TUBGCP3: variants seen among roughly 807,000 people sequenced by gnomAD.
The protein encoded by TUBGCP3 is gamma-tubulin complex component 3.
In TUBGCP3, 50 loss-of-function variants were observed where a neutral mutation model predicts 123.1. The observed-to-expected ratio is 0.41, with a 90% CI of 0.32 to 0.51. The LOEUF (loss-of-function observed/expected upper bound fraction) is 0.51, where lower values mean the gene tolerates loss of function less well. Ranked by LOEUF, TUBGCP3 falls within the 20% of genes least tolerant of loss-of-function variation. TUBGCP3 has a pLI of 0.36. For synonymous variants in TUBGCP3, 405 were observed against 413.9 expected (o/e 0.98, Z 0.26); for missense variants, 882 against 1,127.0 (o/e 0.78, Z 3.11).
rs1178176774 is a variant in TUBGCP3 at position 112,587,936 on chromosome 13, G to A, written c.45C>T (p.Asn15=). Residue 15 remains asparagine (N), a synonymous_variant, in exon 1 of 22, where the codon AAC becomes AAT. Coordinates refer to ENST00000261965, the MANE Select transcript of TUBGCP3 (RefSeq NM_006322.6). ...DQKSPNVLLQ[N]LCCRILGRSE... ...TCCTGCCCAGGATCCTGCAGCACAG[G>A]TTCTGCAGCAGAACGTTCGGCGACT... The A allele has an allele frequency of 1.3e-6, 2 of 1,594,190 alleles. No homozygotes were observed. Among genetic ancestry groups the A allele is most frequent in the African/African-American group, 1.4e-5 (1 of 72,584 alleles).
the TUBGCP3 span, among the ~76,000 whole-genome samples, chr13:112,595,805 A>G: frequency 6.6e-6 from 1 of 152,096 alleles, no homozygotes; most frequent in African/African-American, 2.4e-5. Flanking sequence ...CATTTGATGT[A>G]ATTTGATATG....
rs778833039 is a variant in TUBGCP3, at chr13:112,547,642, C to T, written c.1146G>A (p.Ala382=). 7.7e-6 allele frequency: 12 copies of T among 1,565,172 alleles called. 1 individual carries two copies. Among genetic ancestry groups the T allele is most frequent in the Admixed American group, 7.3e-5 (4 of 54,430 alleles). Reference sequence around the variant, plus strand: ...GACCTTGGCAGTGGTCCACTAGGGCCGCAAGGGTCTTCAGTCGTATTTTGG... The same window carrying T: ...GACCTTGGCAGTGGTCCACTAGGGCTGCAAGGGTCTTCAGTCGTATTTTGG... ...YDPKIRLKTL[A]ALVDHCQGRK... The change falls in exon 10 of 22, where the codon GCG becomes GCA. Residue 382 remains alanine, a synonymous_variant. Coordinates refer to ENST00000261965, the MANE Select transcript of TUBGCP3 (RefSeq NM_006322.6).
At chr13:112,564,962 CA>C (rs1377002997) in intron 3 of TUBGCP3, 148 bp downstream of exon 3, 13 of 600,588 alleles carry the variant, frequency 2.2e-5, no homozygotes, top group South Asian at 1.5e-4. Flanking sequence ...GAAGCTCACA[CA>C]AAAAAAGCAA....
At chr13:112,551,565 A>G (rs986994455) in intron 8 of TUBGCP3, among the ~76,000 whole-genome samples, 1 of 152,210 alleles carries the variant, frequency 6.6e-6, no homozygotes, top group Non-Finnish European at 1.5e-5. Context: ...CAATGACTCC[A>G]AACAGCAGGA....
chr13:112,529,259 T>C (rs1254537257), intron 11 of TUBGCP3, among the ~76,000 whole-genome samples: 1 of 152,230 alleles, frequency 6.6e-6, no homozygotes, highest in Non-Finnish European at 1.5e-5. Context: ...TTTTCTTTAC[T>C]GGCCGAGCCG....
chr13:112,530,610 T>C (rs4907535), intron 11 of TUBGCP3, among the ~76,000 whole-genome samples: 22,438 of 152,280 alleles, frequency 0.15, 1,973 homozygotes, highest in Non-Finnish European at 0.2. Context: ...GACATGAGTA[T>C]GTGTGGATTT....
chr13:112,493,661 G>A (rs1221608101), intron 20 of TUBGCP3, among the ~76,000 whole-genome samples: 5 of 142,520 alleles, frequency 3.5e-5, no homozygotes, highest in East Asian at 2.2e-4. Context: ...CTGGCTATGG[G>A]AACGTGGCCT....
At chr13:112,563,817 G>T (rs1194941102) in intron 3 of TUBGCP3, among the ~76,000 whole-genome samples, 1 of 151,702 alleles carries the variant, frequency 6.6e-6, no homozygotes, top group Non-Finnish European at 1.5e-5. Flanking sequence ...AGAGCTTGCA[G>T]TGAGCCCAGA....
chr13:112,577,973 T>C (rs1252982457), intron 1 of TUBGCP3, among the ~76,000 whole-genome samples: 1 of 152,140 alleles, frequency 6.6e-6, no homozygotes, highest in African/African-American at 2.4e-5. Context: ...TATGAAAATT[T>C]GTTGGGAAAA....
intron 1 of TUBGCP3, among the ~76,000 whole-genome samples, chr13:112,586,132 G>C (rs549567585): frequency 6.6e-6 from 1 of 151,718 alleles, no homozygotes; most frequent in Non-Finnish European, 1.5e-5. Context: ...CCAGCTACTC[G>C]GGAGGCTGAG....
At chr13:112,534,768 ATT>A (rs371365188) in intron 11 of TUBGCP3, among the ~76,000 whole-genome samples, 26 of 151,134 alleles carry the variant, frequency 1.7e-4, no homozygotes, top group African/African-American at 5.1e-4. Context: ...GAACTTCTAC[ATT>A]TTTTTTTAGA....
chr13:112,541,584 T>C (rs981717068), intron 11 of TUBGCP3, among the ~76,000 whole-genome samples: 1 of 151,332 alleles, frequency 6.6e-6, no homozygotes, highest in Non-Finnish European at 1.5e-5. Context: ...TATAATGAAT[T>C]GGTGGTTCAA....
intron 8 of TUBGCP3, among the ~76,000 whole-genome samples, chr13:112,550,092 T>C (rs541286651): frequency 2.0e-5 from 3 of 151,734 alleles, no homozygotes; most frequent in African/African-American, 7.3e-5. Context: ...CATCCAGTCC[T>C]GTGGCAAGAG....
intron 20 of TUBGCP3, among the ~76,000 whole-genome samples, chr13:112,497,755 T>C (rs762151179): frequency 3.9e-5 from 6 of 152,226 alleles, no homozygotes; most frequent in Non-Finnish European, 7.3e-5. Context: ...TTAAATGCTG[T>C]AGGCAACTGT....
chr13:112,541,378 C>T (rs1378007142), intron 11 of TUBGCP3, among the ~76,000 whole-genome samples: 2 of 152,000 alleles, frequency 1.3e-5, no homozygotes, highest in Non-Finnish European at 2.9e-5. Flanking sequence ...CCCGCCTCTA[C>T]TAAAAATATG....
chr13:112,529,332 A>AATATCACCAGAATTAATT (rs1877383152), intron 11 of TUBGCP3, among the ~76,000 whole-genome samples: 1 of 152,230 alleles, frequency 6.6e-6, no homozygotes, highest in Non-Finnish European at 1.5e-5. Flanking sequence ...AGGAATTGTT[A>AATATCACCAGAATTAATT]ATATCACCAG....
the TUBGCP3 span, among the ~76,000 whole-genome samples, chr13:112,602,091 T>A: frequency 4.6e-5 from 7 of 152,222 alleles, no homozygotes; most frequent in Non-Finnish European, 8.8e-5. Flanking sequence ...CCTGCCCAAG[T>A]TCATGGTCGG....
At position 112,486,916 on chromosome 13, in the gene TUBGCP3, C is replaced by A. The variant is rs141938079; in HGVS notation, c.2566-765G>T. Among the ~76,000 whole-genome samples, 929 of 152,330 alleles carry A rather than the reference C, an allele frequency of 6.1e-3. 10 individuals are homozygous for A. Among genetic ancestry groups the A allele is most frequent in the Non-Finnish European group, 8.2e-3 (557 of 68,036 alleles). ...CACTGCGTCCTCACCAAGCCCCGCC[C>A]AAGTCTTCACCAGCTGTCACTGCCC... On this transcript the variant is annotated intron_variant, in intron 21 of 21. Transcript: ENST00000261965.
chr13:112,518,706 C>A (rs566204254), intron 16 of TUBGCP3, among the ~76,000 whole-genome samples: 3 of 152,250 alleles, frequency 2.0e-5, no homozygotes, highest in Admixed American at 2.0e-4. Context: ...AGAAAATGAA[C>A]AGTCCATTTA....
Sources: allele counts gnomAD v4.1 joint callset (sites outside exome capture counted in the v4.1 genomes callset), GRCh38; gene constraint gnomAD v4.1.1; transcripts MANE v1.5; gene names NCBI Gene and HGNC (gene_info 2026-07-23, HGNC 2026-07-21).